Variants in EFR3A observed in about 807,000 individuals in gnomAD.
EFR3A encodes the protein protein EFR3 homolog A.
In EFR3A, 76 loss-of-function variants were observed where a neutral mutation model predicts 104.4. The observed-to-expected ratio is 0.73, with a 90% confidence interval of 0.60 to 0.88. The LOEUF (loss-of-function observed/expected upper bound fraction) is 0.88, where lower values mean the gene tolerates loss of function less well. Among genes scored for constraint, EFR3A ranks in the 40% least tolerant of loss-of-function variants. The probability of loss-of-function intolerance (pLI) is 0.00; values close to 1 mark genes in which losing one functional copy is unlikely to be tolerated. For synonymous variants in EFR3A, 330 were observed against 330.0 expected, an observed-to-expected ratio of 1.00 and a Z score of 0.00; for missense variants, 985 against 1,012.5, an observed-to-expected ratio of 0.97 and a Z score of 0.37.
At chr8:131,957,350 C>CTGTTTTTTT (rs1819055378) in intron 7 of EFR3A, among the ~76,000 whole-genome samples, 1 of 125,966 alleles carries the variant, frequency 7.9e-6, no homozygotes, top group African/African-American at 3.0e-5. Context: ...GGGCCAGGGT[C>CTGTTTTTTT]TTTTTTTTTT....
intron 14 of EFR3A, 128 bp downstream of exon 14, chr8:131,979,549 C>G (rs758119909): frequency 1.6e-6 from 1 of 630,510 alleles, no homozygotes; most frequent in East Asian, 2.9e-5. Flanking sequence ...GACCTCAAGA[C>G]GCCATCTTCA....
intron 19 of EFR3A, among the ~76,000 whole-genome samples, chr8:131,997,657 C>A (rs1821563654): frequency 6.6e-6 from 1 of 152,006 alleles, no homozygotes; most frequent in South Asian, 2.1e-4. Context: ...ACACTCCTTA[C>A]CAGTAAGAAG....
At chr8:131,958,536 G>A (rs772422986) in intron 7 of EFR3A, among the ~76,000 whole-genome samples, 8 of 151,518 alleles carry the variant, frequency 5.3e-5, no homozygotes, top group Non-Finnish European at 1.0e-4. Flanking sequence ...AGCATAGTAT[G>A]TAACACGTAG....
intron 1 of EFR3A, among the ~76,000 whole-genome samples, chr8:131,929,794 C>T (rs938805620): frequency 1.3e-5 from 2 of 151,988 alleles, no homozygotes; most frequent in South Asian, 4.2e-4. Context: ...CACCTGTGTC[C>T]CTCTCTGAGT....
At chr8:132,001,419 G>A (rs980258682) in intron 19 of EFR3A, among the ~76,000 whole-genome samples, 3 of 152,158 alleles carry the variant, frequency 2.0e-5, no homozygotes, top group African/African-American at 7.2e-5. Context: ...TTACAACACA[G>A]TGTTCAGTCA....
At chr8:131,945,547 G>C (rs1053892398) in intron 3 of EFR3A, among the ~76,000 whole-genome samples, 37 of 152,018 alleles carry the variant, frequency 2.4e-4, no homozygotes, top group African/African-American at 6.8e-4. Context: ...TTACCACTTA[G>C]AACATTTTAG....
At chr8:131,931,622 C>G (rs1477436110) in intron 1 of EFR3A, among the ~76,000 whole-genome samples, 2 of 151,906 alleles carry the variant, frequency 1.3e-5, no homozygotes, top group South Asian at 4.1e-4. Context: ...TTCACAATGC[C>G]TTATATGTAG....
chr8:131,990,587 A>G (rs7826719), intron 18 of EFR3A, among the ~76,000 whole-genome samples: 21,680 of 152,220 alleles, frequency 0.14, 2,000 homozygotes, highest in Non-Finnish European at 0.21. Flanking sequence ...TCTGAAGGCA[A>G]TGGGGAAGCA....
At chr8:131,988,265 A>G (rs1266352176) in intron 18 of EFR3A, among the ~76,000 whole-genome samples, 1 of 152,094 alleles carries the variant, frequency 6.6e-6, no homozygotes, top group African/African-American at 2.4e-5. Flanking sequence ...CTTTTACTGT[A>G]AAAATTAAAA....
At chr8:131,980,702 T>G (rs1415185562) in intron 14 of EFR3A, among the ~76,000 whole-genome samples, 1 of 152,122 alleles carries the variant, frequency 6.6e-6, no homozygotes. Context: ...TTTTGAAATA[T>G]ACAATACACT....
chr8:131,963,286 G>A (rs1489141412), intron 8 of EFR3A, among the ~76,000 whole-genome samples: 1 of 152,004 alleles, frequency 6.6e-6, no homozygotes, highest in African/African-American at 2.4e-5. Context: ...CCAGGAGCTG[G>A]TTTTTTGAAA....
intron 7 of EFR3A, 76 bp downstream of exon 7, chr8:131,955,981 A>T: frequency 6.5e-7 from 1 of 1,535,136 alleles, no homozygotes; most frequent in Non-Finnish European, 8.9e-7. Context: ...ATAGAGGACA[A>T]CTACTTTTTT....
At chr8:131,928,787 T>C (rs1817436942) in intron 1 of EFR3A, among the ~76,000 whole-genome samples, 1 of 151,392 alleles carries the variant, frequency 6.6e-6, no homozygotes, top group African/African-American at 2.4e-5. Flanking sequence ...TTTTCTGATG[T>C]TTCCTCATTA....
intron 7 of EFR3A, among the ~76,000 whole-genome samples, chr8:131,956,495 C>T (rs1322093147): frequency 2.0e-5 from 3 of 152,182 alleles, no homozygotes; most frequent in Non-Finnish European, 2.9e-5. Context: ...GTTTCTGACT[C>T]AATCACCAGA....
At chr8:131,999,702 A>G (rs968106231) in intron 19 of EFR3A, among the ~76,000 whole-genome samples, 1 of 135,580 alleles carries the variant, frequency 7.4e-6, no homozygotes, top group African/African-American at 3.1e-5. Context: ...GTTAGTCTTA[A>G]AAAAAAAAAA....
Position 131,953,829 on chromosome 8 carries a change from C to A in EFR3A, c.500C>A (p.Ala167Asp). The A allele has an allele frequency of 6.7e-7, 1 of 1,490,784 alleles. No individual in the cohort carries two copies. Among genetic ancestry groups the A allele is most frequent in the Non-Finnish European group, 8.9e-7 (1 of 1,121,340 alleles). 92.3% of individuals were successfully genotyped at this position (1,490,784 alleles called of 1,614,324 possible). A position where few individuals can be genotyped will look rare whatever the true frequency, so the allele number is the denominator to read the frequency against. ...TTTTTTTTTTATAGGATACGAATTGCTGGAATTAGAGGTATTCAAGGTGTG... is the reference window on the plus strand; with the variant it reads ...TTTTTTTTTTATAGGATACGAATTGATGGAATTAGAGGTATTCAAGGTGTG... ...DPEIRTEIRI[A>D]GIRGIQGVVR... Residue 167 changes from alanine to aspartate, a missense_variant, in exon 6 of 23, where the codon GCT becomes GAT. Ala to Asp is a moderately radical substitution (Grantham distance 126). Transcript: ENST00000254624.
rs774151926 is a variant in EFR3A, at chr8:131,946,640, A to G, written c.366+7A>G. 1.3e-5 allele frequency: 21 copies of G among 1,575,444 alleles called. No individual in the cohort carries two copies. Among genetic ancestry groups the G allele is most frequent in the Non-Finnish European group, 1.7e-5 (20 of 1,161,794 alleles). ...AGTTCTTGGAACAAATTCTGTGAGT[A>G]AAACTATTCTGTTACTAAATGTATG... On this transcript the variant is annotated splice_region_variant and intron_variant, in intron 4 of 22. Transcript: ENST00000254624.
intron 7 of EFR3A, among the ~76,000 whole-genome samples, 186 bp from the exon 8 acceptor site, chr8:131,959,399 A>G (rs1285340485): frequency 2.6e-5 from 4 of 152,224 alleles, no homozygotes; most frequent in Non-Finnish European, 5.9e-5. Flanking sequence ...GGTCCACAGC[A>G]TTGCTTTAGA....
At chr8:132,005,920 A>G (rs941584281) in intron 22 of EFR3A, among the ~76,000 whole-genome samples, 9 of 152,314 alleles carry the variant, frequency 5.9e-5, no homozygotes, top group African/African-American at 1.9e-4. Context: ...CATATTGAGT[A>G]TGTTCTCTTG....
Sources: allele counts gnomAD v4.1 joint callset (sites outside exome capture counted in the v4.1 genomes callset), GRCh38; gene constraint gnomAD v4.1.1; transcripts MANE v1.5; gene names NCBI Gene and HGNC (gene_info 2026-07-23, HGNC 2026-07-21).